The following PDE3A variants were observed in gnomAD, a reference collection of about 807,000 sequenced individuals.
The protein encoded by PDE3A is cGMP-inhibited 3',5'-cyclic phosphodiesterase 3A.
PDE3A carries 43 observed loss-of-function variants against 98.3 expected under a neutral mutation model. The observed-to-expected ratio is 0.44, with a 90% CI of 0.34 to 0.56. PDE3A has a LOEUF of 0.56. PDE3A is among the 20% of genes least tolerant of loss of function. The pLI, the probability that PDE3A is intolerant of heterozygous loss-of-function variation, is 0.01. For synonymous variants in PDE3A, 663 were observed against 567.9 expected (o/e 1.17, Z -2.38); for missense variants, 1,427 against 1,440.7 (o/e 0.99, Z 0.15).
chr12:20,468,838 T>G (rs533510306), intron 1 of PDE3A, among the ~76,000 whole-genome samples: 2 of 152,344 alleles, frequency 1.3e-5, no homozygotes, highest in East Asian at 3.9e-4. Context: ...AAGCATCCTC[T>G]CAAAGTTTCA....
intron 15 of PDE3A, among the ~76,000 whole-genome samples, chr12:20,672,462 G>C (rs1260529932): frequency 4.8e-4 from 73 of 150,962 alleles, no homozygotes; most frequent in African/African-American, 6.6e-4. Context: ...TACAAGGCTA[G>C]AGTAACCAAA....
chr12:20,492,658 A>G (rs1283114882), intron 1 of PDE3A, among the ~76,000 whole-genome samples: 1 of 152,148 alleles, frequency 6.6e-6, no homozygotes, highest in East Asian at 1.9e-4. Context: ...GGCTATGGGT[A>G]GAGAAATGCA....
chr12:20,391,126 A>C (rs1390376828), intron 1 of PDE3A, among the ~76,000 whole-genome samples: 2 of 151,870 alleles, frequency 1.3e-5, no homozygotes, highest in African/African-American at 4.8e-5. Flanking sequence ...AGTGCTTTTC[A>C]TATGACTAGT....
At position 20,613,505 on chromosome 12, in the gene PDE3A, C is replaced by T. The variant is rs1457139545; in HGVS notation, c.1074C>T (p.Thr358=). ...TGGGCGAGGCCCACGGCCTCATTACCGACCTCCTGGCAGACCCTTCTCTTC... is the reference window on the plus strand; with the variant it reads ...TGGGCGAGGCCCACGGCCTCATTACTGACCTCCTGGCAGACCCTTCTCTTC... The part of the protein sequence containing the change: ...AVMGEAHGLI[T]DLLADPSLPP... Residue 358 remains threonine (T), a synonymous_variant, in exon 3 of 16, where the codon ACC becomes ACT. Transcript: ENST00000359062. 3 of 1,614,046 alleles carry T rather than the reference C, an allele frequency of 1.9e-6. No individual in the cohort carries two copies. The highest frequency in any genetic ancestry group is 2.5e-6 in the Non-Finnish European group (3 of 1,179,884).
intron 1 of PDE3A, among the ~76,000 whole-genome samples, chr12:20,386,051 A>AATATATAAAAT (rs1943764811): frequency 3.3e-5 from 1 of 30,328 alleles, no homozygotes; most frequent in African/African-American, 8.6e-5. Flanking sequence ...AATATATATA[A>AATATATAAAAT]ATATATATAA....
At chr12:20,568,899 A>G (rs1942726737) in intron 2 of PDE3A, among the ~76,000 whole-genome samples, 1 of 152,030 alleles carries the variant, frequency 6.6e-6, no homozygotes, top group South Asian at 2.1e-4. Context: ...TTAATTTTCA[A>G]AGAGACAAGC....
chr12:20,574,796 A>G (rs558269999), intron 2 of PDE3A, among the ~76,000 whole-genome samples: 18 of 152,162 alleles, frequency 1.2e-4, no homozygotes, highest in African/African-American at 4.3e-4. Flanking sequence ...ATATAGCAAT[A>G]TGTAGCATCT....
At chr12:20,598,848 G>C (rs1439705576) in intron 2 of PDE3A, among the ~76,000 whole-genome samples, 7 of 151,956 alleles carry the variant, frequency 4.6e-5, no homozygotes, top group Admixed American at 3.9e-4. Context: ...TTTCTTCCTG[G>C]GACATTCATG....
intron 1 of PDE3A, among the ~76,000 whole-genome samples, chr12:20,523,780 G>A (rs1014818896): frequency 6.6e-6 from 1 of 152,146 alleles, no homozygotes; most frequent in Non-Finnish European, 1.5e-5. Flanking sequence ...AGTAAAAAAT[G>A]TTTTTAAAAT....
intron 2 of PDE3A, chr12:20,572,155 G>C: frequency 7.9e-7 from 1 of 1,271,744 alleles, no homozygotes; most frequent in Non-Finnish European, 1.0e-6. Context: ...AAATCGTGGA[G>C]CTTCTACTGG....
intron 15 of PDE3A, among the ~76,000 whole-genome samples, chr12:20,675,595 G>C (rs1057360071): frequency 2.0e-5 from 3 of 152,162 alleles, no homozygotes; most frequent in Admixed American, 2.0e-4. Context: ...GTGTGATACT[G>C]CTTCTCAGCC....
intron 2 of PDE3A, among the ~76,000 whole-genome samples, chr12:20,611,396 A>G (rs1402843024): frequency 6.6e-6 from 1 of 151,382 alleles, no homozygotes; most frequent in Non-Finnish European, 1.5e-5. Context: ...ATATTTAAGC[A>G]CATAAAATTA....
intron 15 of PDE3A, among the ~76,000 whole-genome samples, chr12:20,662,719 G>A (rs1182876429): frequency 6.6e-6 from 1 of 152,150 alleles, no homozygotes; most frequent in East Asian, 1.9e-4. Flanking sequence ...GTTTGGAATT[G>A]GAACTTATCT....
chr12:20,651,226 T>C (rs6487125), intron 14 of PDE3A, among the ~76,000 whole-genome samples: 93,603 of 151,942 alleles, frequency 0.62, 29,077 homozygotes, highest in East Asian at 0.79. Context: ...TTACATAAGC[T>C]GGGGGTGATC....
At chr12:20,570,837 G>A (rs1025564956) in intron 2 of PDE3A, among the ~76,000 whole-genome samples, 2 of 152,092 alleles carry the variant, frequency 1.3e-5, no homozygotes, top group African/African-American at 4.8e-5. Context: ...CTCAGATCTA[G>A]GCTGTCTTCT....
intron 2 of PDE3A, among the ~76,000 whole-genome samples, chr12:20,600,448 A>G (rs1415884216): frequency 6.6e-6 from 1 of 152,156 alleles, no homozygotes; most frequent in Non-Finnish European, 1.5e-5. Flanking sequence ...GCTCTTGAAT[A>G]TGGCTCATAT....
At position 20,618,419 on chromosome 12, in the gene PDE3A, AG is replaced by A. The variant is rs1315858587; in HGVS notation, c.1424+2036del. 2.0e-4 allele frequency among the ~76,000 whole-genome samples: 20 copies of A among 100,250 alleles called. No individual in the cohort carries two copies. The East Asian group carries it at 8.3e-3, about 42-fold the overall frequency. The allele number at this position is 100,250 out of a possible 152,430, so 65.8% of individuals were successfully genotyped here. A position where few individuals can be genotyped will look rare whatever the true frequency, so the allele number is the denominator to read the frequency against. On this transcript the variant is annotated intron_variant, in intron 4 of 15. Transcript: ENST00000359062. ...TTGAGGAAGGACTACATTGATCAAA[AG>A]AAGAATAAGAATGAGAAATAATAAA...
At chr12:20,371,562 G>A in intron 1 of PDE3A, 1 of 557,760 alleles carries the variant, frequency 1.8e-6, no homozygotes, top group Non-Finnish European at 2.3e-6. Flanking sequence ...TGGGTGGCTA[G>A]TTGGTTTCTG....
At chr12:20,375,024 G>T (rs1422583174) in intron 1 of PDE3A, among the ~76,000 whole-genome samples, 1 of 151,864 alleles carries the variant, frequency 6.6e-6, no homozygotes, top group African/African-American at 2.4e-5. Flanking sequence ...ATGGTGAATT[G>T]TTTACTTAGC....
Sources: allele counts gnomAD v4.1 joint callset (sites outside exome capture counted in the v4.1 genomes callset), GRCh38; gene constraint gnomAD v4.1.1; transcripts MANE v1.5; gene names NCBI Gene and HGNC (gene_info 2026-07-23, HGNC 2026-07-21).